Variants in ABCC8 observed in about 807,000 individuals in gnomAD.
ABCC8 encodes ATP-binding cassette sub-family C member 8.
A neutral mutation model predicts 188.0 loss-of-function variants in ABCC8; 137 were observed. The observed-to-expected ratio is 0.73, with a 90% confidence interval of 0.63 to 0.84. The LOEUF (loss-of-function observed/expected upper bound fraction) is 0.84. Ranked by LOEUF, ABCC8 falls within the 40% of genes least tolerant of loss-of-function variation. The pLI is 0.00. For synonymous variants in ABCC8, 797 were observed against 846.5 expected, an observed-to-expected ratio of 0.94 and a Z score of 1.01; for missense variants, 1,750 against 2,072.7, an observed-to-expected ratio of 0.84 and a Z score of 3.02.
intron 23 of ABCC8, 101 bp from the exon 24 acceptor site, chr11:17,407,554 T>C: frequency 6.4e-7 from 1 of 1,569,186 alleles, no homozygotes; most frequent in Non-Finnish European, 8.7e-7. Context: ...CAATGTCAGA[T>C]TTCTACTTTG....
intron 6 of ABCC8, among the ~76,000 whole-genome samples, chr11:17,455,355 C>T (rs1488792124): frequency 1.3e-5 from 2 of 152,136 alleles, no homozygotes; most frequent in Non-Finnish European, 2.9e-5. Context: ...CATGTTTGTT[C>T]GTTAGACTAT....
At chr11:17,433,377 C>A (rs1955934871) in intron 10 of ABCC8, among the ~76,000 whole-genome samples, 1 of 152,198 alleles carries the variant, frequency 6.6e-6, no homozygotes, top group Non-Finnish European at 1.5e-5. Context: ...TGCACATGGC[C>A]CCTGTCTAAT....
chr11:17,436,669 T>TA (rs768401745), intron 10 of ABCC8, among the ~76,000 whole-genome samples: 11 of 152,262 alleles, frequency 7.2e-5, no homozygotes, highest in Non-Finnish European at 1.5e-4. Flanking sequence ...GTGATGCTGT[T>TA]ATGGAAAAGT....
intron 10 of ABCC8, among the ~76,000 whole-genome samples, chr11:17,438,397 G>A (rs1023285273): frequency 1.2e-4 from 18 of 151,964 alleles, no homozygotes; most frequent in African/African-American, 4.4e-4. Context: ...CTATTCATGG[G>A]CATGATCAAT....
At chr11:17,405,603 T>G (rs779525283) in intron 26 of ABCC8, 40 bp from the exon 27 acceptor site, 1 of 1,614,122 alleles carries the variant, frequency 6.2e-7, no homozygotes, top group Non-Finnish European at 8.5e-7. Context: ...ATTTGTCCAT[T>G]GATTTACTTC....
At chr11:17,415,614 G>C (rs960222913) in intron 17 of ABCC8, among the ~76,000 whole-genome samples, 6 of 152,268 alleles carry the variant, frequency 3.9e-5, no homozygotes, top group African/African-American at 1.4e-4. Context: ...GCAGGCTCTG[G>C]GGGGAAAACT....
intron 19 of ABCC8, 122 bp downstream of exon 19, chr11:17,414,390 T>C: frequency 1.4e-6 from 2 of 1,402,894 alleles, no homozygotes; most frequent in South Asian, 1.2e-5. Context: ...GGAGTGCAGG[T>C]AAGCACCTGG....
downstream of ABCC8, chr11:17,392,655 C>G (rs1953690918): frequency 1.3e-5 from 5 of 383,312 alleles, no homozygotes; most frequent in Admixed American, 3.7e-5. Context: ...CCTGCCAACA[C>G]CTTGATCCCA....
chr11:17,469,885 A>C (rs1848382258), intron 3 of ABCC8, among the ~76,000 whole-genome samples: 1 of 152,110 alleles, frequency 6.6e-6, no homozygotes, highest in African/African-American at 2.4e-5. Flanking sequence ...TCTTCATAGC[A>C]TCCCCACCAC....
rs770036681 is a variant in ABCC8, at chr11:17,427,985, C to T, written c.2041-43G>A. On this transcript the variant is annotated intron_variant, in intron 14 of 38. Coordinates refer to ENST00000389817, the MANE Select transcript of ABCC8 (RefSeq NM_000352.6). This position sits in a 1 kb window ranked among gnomAD's most constrained non-coding sequence, Gnocchi z 5.0. ...CACCGCCCAGGAGAGAACAGAAAGG[C>T]AGCCAGTTCCCAGTGAATAGTCTCT... 1.9e-6 allele frequency: 3 copies of T among 1,604,424 alleles called. No individual in the cohort carries two copies. In the Admixed American group the frequency reaches 5.1e-5, roughly 28 times the overall value.
rs745860035 is a variant in ABCC8, at chr11:17,406,969, C to T, written c.3081G>A (p.Val1027=). ...ACTTGGCCAGCCAGTAGTCGATGGC[C>T]ACCAGGACCATGTGCTTGAGCAGCT... ...FSQLLKHMVL[V]AIDYWLAKWT... The change falls in exon 25 of 39, where the codon GTG becomes GTA. Residue 1027 remains valine, a synonymous_variant. Coordinates refer to ENST00000389817, the MANE Select transcript of ABCC8 (RefSeq NM_000352.6). 13 of 1,614,188 alleles carry T rather than the reference C, an allele frequency of 8.1e-6. No individual in the cohort carries two copies. The East Asian group carries it at 2.7e-4, about 33-fold the overall frequency.
At chr11:17,400,340 G>C (rs538815611) in intron 29 of ABCC8, among the ~76,000 whole-genome samples, 1 of 152,172 alleles carries the variant, frequency 6.6e-6, no homozygotes, top group South Asian at 2.1e-4. Context: ...GCATGTGCGT[G>C]TTATAGGAGT....
chr11:17,442,981 C>T, intron 9 of ABCC8, 99 bp from the exon 10 acceptor site: 1 of 1,594,942 alleles, frequency 6.3e-7, no homozygotes, highest in South Asian at 1.1e-5. Context: ...TGCCCGCCTC[C>T]TGTCCTCACC....
At position 17,474,892 on chromosome 11, in the gene ABCC8, G is replaced by T. The variant is rs1056079916; in HGVS notation, c.284C>A (p.Ser95Tyr). 1.9e-6 allele frequency: 3 copies of T among 1,614,134 alleles called. No individual in the cohort carries two copies. The highest frequency in any genetic ancestry group is 1.3e-5 in the African/African-American group (1 of 75,036). ...LVCEIAEGILSDGVTESHHLH... is the reference protein window; with the variant it reads ...LVCEIAEGILYDGVTESHHLH... ...TCCTCAGACAGTCACTCACCCATCA[G>T]ACAGGATGCCCTCTGCAATCTCACA... The change falls in exon 2 of 39, where the codon TCT becomes TAT. Residue 95 changes from serine (S) to tyrosine (Y), a missense_variant. By Grantham distance (144) the Ser-to-Tyr change is moderately radical. Coordinates refer to ENST00000389817, the MANE Select transcript of ABCC8 (RefSeq NM_000352.6).
chr11:17,405,728 G>T, intron 26 of ABCC8, 165 bp from the exon 27 acceptor site: 2 of 885,252 alleles, frequency 2.3e-6, no homozygotes, highest in Non-Finnish European at 2.7e-6. Context: ...GTGAATTCCT[G>T]CAGCTGCCCA....
chr11:17,445,367 G>A (rs1221856248), intron 8 of ABCC8, among the ~76,000 whole-genome samples: 2 of 152,150 alleles, frequency 1.3e-5, no homozygotes, highest in African/African-American at 4.8e-5. Context: ...GTTTCTTTTT[G>A]GGGAAATGAA....
intron 18 of ABCC8, 110 bp downstream of exon 18, chr11:17,415,194 A>C: frequency 6.8e-7 from 1 of 1,476,166 alleles, no homozygotes; most frequent in South Asian, 1.2e-5. Context: ...CTCCCCCAAC[A>C]CTGGGGCTGG....
At chr11:17,463,709 C>A in intron 3 of ABCC8, 105 bp from the exon 4 acceptor site, 7 of 1,453,856 alleles carry the variant, frequency 4.8e-6, no homozygotes, top group Non-Finnish European at 6.5e-6. Flanking sequence ...AATAAGCGTG[C>A]CTGGGTGTGT....
At chr11:17,402,047 C>T (rs183736050) in intron 29 of ABCC8, among the ~76,000 whole-genome samples, 22 of 152,314 alleles carry the variant, frequency 1.4e-4, no homozygotes, top group African/African-American at 4.1e-4. Flanking sequence ...GGGCTGTAAA[C>T]GCCTGCAGGG....
Sources: gnomAD v4.1 joint callset for allele counts (sites outside exome capture counted in the v4.1 genomes callset) on GRCh38, gnomAD v4.1.1 for gene constraint, Gnocchi (gnomAD v3.1) non-coding constraint, MANE v1.5 for transcripts, NCBI Gene and HGNC (gene_info 2026-07-23, HGNC 2026-07-21) for gene names.